Variants in DLGAP2 observed in about 807,000 individuals in gnomAD.
DLGAP2 encodes the protein disks large-associated protein 2.
In DLGAP2, 26 loss-of-function variants were observed where a neutral mutation model predicts 100.3. The observed-to-expected ratio is 0.26, with a 90% CI of 0.19 to 0.36. The LOEUF (loss-of-function observed/expected upper bound fraction) is 0.36, where lower values mean the gene tolerates loss of function less well. Ranked by LOEUF, DLGAP2 falls within the 10% of genes least tolerant of loss-of-function variation. The pLI, the probability that DLGAP2 is intolerant of heterozygous loss-of-function variation, is 1.00. For synonymous variants in DLGAP2, 886 were observed against 630.1 expected (o/e 1.41, Z -6.08); for missense variants, 1,858 against 1,453.2 (o/e 1.28, Z -4.53).
chr8:1,197,439 A>G (rs1476201188), intron 2 of DLGAP2, among the ~76,000 whole-genome samples: 1 of 152,248 alleles, frequency 6.6e-6, no homozygotes, highest in Non-Finnish European at 1.5e-5. Flanking sequence ...TGCTGTAGAA[A>G]AAGGGCTACT....
chr8:1,316,154 C>T (rs1800741726), intron 3 of DLGAP2, among the ~76,000 whole-genome samples: 1 of 123,330 alleles, frequency 8.1e-6, no homozygotes, highest in African/African-American at 2.9e-5. Context: ...GTCTCCCCAA[C>T]AGTGGTCTAC....
rs186692922 is a variant in DLGAP2 at position 1,267,534 on chromosome 8, G to A, written c.106+8651G>A. Among the ~76,000 whole-genome samples the A allele has an allele frequency of 5.2e-3, 754 of 145,654 alleles. 6 individuals carry two copies. The highest frequency in any genetic ancestry group is 0.019 in the African/African-American group (728 of 38,244). ...AGATTGTGCCACTGCACTCCAGCCTGGGAGACAGAGCAAAATTCCCGCTCA... is the reference window on the plus strand; with the variant it reads ...AGATTGTGCCACTGCACTCCAGCCTAGGAGACAGAGCAAAATTCCCGCTCA... On this transcript the variant is annotated intron_variant, in intron 3 of 14. Transcript: ENST00000637795.
At chr8:1,197,031 G>T (rs759260315) in intron 2 of DLGAP2, among the ~76,000 whole-genome samples, 6 of 152,154 alleles carry the variant, frequency 3.9e-5, no homozygotes, top group Non-Finnish European at 7.3e-5. Flanking sequence ...AATGTCTGTG[G>T]TCAGGAGGAG....
intron 1 of DLGAP2, among the ~76,000 whole-genome samples, chr8:883,629 G>A (rs1178989428): frequency 6.6e-6 from 1 of 150,946 alleles, no homozygotes; most frequent in South Asian, 2.1e-4. Context: ...GGTTCGTTAC[G>A]TAGGAGCGCG....
At chr8:1,111,758 A>G (rs188335835) in intron 2 of DLGAP2, among the ~76,000 whole-genome samples, 2 of 152,304 alleles carry the variant, frequency 1.3e-5, no homozygotes, top group East Asian at 1.9e-4. Flanking sequence ...ATGGCTGTAT[A>G]GTATTCCATG....
chr8:1,320,302 G>A (rs531569005), intron 3 of DLGAP2, among the ~76,000 whole-genome samples: 3 of 152,218 alleles, frequency 2.0e-5, no homozygotes, highest in Admixed American at 2.0e-4. Flanking sequence ...CAAGGTGGCA[G>A]CTACCAGGAG....
chr8:1,084,077 A>T (rs907644773), intron 2 of DLGAP2, among the ~76,000 whole-genome samples: 18 of 152,312 alleles, frequency 1.2e-4, no homozygotes, highest in Admixed American at 3.3e-4. Context: ...GTCACATTTT[A>T]TTATTTGTAT....
chr8:1,051,779 C>A (rs1472572324), intron 2 of DLGAP2, among the ~76,000 whole-genome samples: 4 of 152,056 alleles, frequency 2.6e-5, no homozygotes, highest in Admixed American at 6.5e-5. Flanking sequence ...TGTCTCATGC[C>A]TGCTCAGTCA....
intron 3 of DLGAP2, among the ~76,000 whole-genome samples, chr8:1,473,408 G>A (rs533070538): frequency 1.3e-5 from 2 of 152,200 alleles, no homozygotes; most frequent in African/African-American, 2.4e-5. Context: ...TCCACTGCGG[G>A]GCTGGAGGCG....
At position 1,117,291 on chromosome 8, in the gene DLGAP2, G is replaced by A. The variant is rs140425535; in HGVS notation, c.74-141560G>A. Among the ~76,000 whole-genome samples the A allele has an allele frequency of 5.4e-3, 817 of 152,334 alleles. 6 individuals are homozygous for A. Among genetic ancestry groups the A allele is most frequent in the Middle Eastern group, 0.014 (4 of 294 alleles). On this transcript the variant is annotated intron_variant, in intron 2 of 14. Coordinates refer to ENST00000637795, the MANE Select transcript of DLGAP2 (RefSeq NM_001346810.2). ...TGGCACAACCCTGGGCAGGTGTGCA[G>A]ACAGATCCCACCACTCAGAGGTGCC...
intron 1 of DLGAP2, among the ~76,000 whole-genome samples, chr8:779,957 T>A (rs4735920): frequency 0.6 from 91,901 of 152,102 alleles, 29,637 homozygotes; most frequent in Admixed American, 0.75. Context: ...AGAGTCAAGC[T>A]AGCTAACTGA....
chr8:1,240,371 G>A (rs77159205), intron 2 of DLGAP2, among the ~76,000 whole-genome samples: 12,882 of 146,218 alleles, frequency 0.088, 1,362 homozygotes, highest in African/African-American at 0.25. Context: ...CTCACACAGA[G>A]CATCGTGTCT....
intron 2 of DLGAP2, among the ~76,000 whole-genome samples, chr8:1,167,449 A>C (rs906718790): frequency 6.6e-6 from 1 of 152,124 alleles, no homozygotes; most frequent in Non-Finnish European, 1.5e-5. Flanking sequence ...AGGGAAGCAG[A>C]GTTTCAGGGT....
intron 4 of DLGAP2, among the ~76,000 whole-genome samples, chr8:1,541,495 T>C (rs1030941965): frequency 6.6e-6 from 1 of 152,228 alleles, no homozygotes; most frequent in Non-Finnish European, 1.5e-5. Flanking sequence ...ATTTGTCCTT[T>C]ACACACTTCC....
At chr8:1,447,050 T>TGCA (rs1283092130) in intron 3 of DLGAP2, among the ~76,000 whole-genome samples, 1 of 152,240 alleles carries the variant, frequency 6.6e-6, no homozygotes. Context: ...AGGGACAATT[T>TGCA]GACTTCCTCT....
At chr8:826,159 T>C (rs1206470332) in intron 1 of DLGAP2, among the ~76,000 whole-genome samples, 1 of 152,234 alleles carries the variant, frequency 6.6e-6, no homozygotes, top group Non-Finnish European at 1.5e-5. Context: ...CAGGATCTCA[T>C]TCTTTTTTAT....
At chr8:1,449,813 G>A (rs927430018) in intron 3 of DLGAP2, among the ~76,000 whole-genome samples, 18 of 148,672 alleles carry the variant, frequency 1.2e-4, no homozygotes, top group Non-Finnish European at 2.0e-4. Context: ...GTGAAGACGA[G>A]GTGGGCGGCC....
chr8:1,538,165 C>A (rs920052261), intron 4 of DLGAP2, among the ~76,000 whole-genome samples: 2 of 152,148 alleles, frequency 1.3e-5, no homozygotes, highest in African/African-American at 4.8e-5. Flanking sequence ...GCATTCCCTG[C>A]CTTTTCTTCC....
intron 3 of DLGAP2, among the ~76,000 whole-genome samples, chr8:1,494,517 T>A (rs944074986): frequency 6.6e-6 from 1 of 152,078 alleles, no homozygotes; most frequent in African/African-American, 2.4e-5. Context: ...GATCACGAGG[T>A]CAGGAGTTTG....
Sources: allele counts gnomAD v4.1 joint callset (sites outside exome capture counted in the v4.1 genomes callset), GRCh38; gene constraint gnomAD v4.1.1; transcripts MANE v1.5; gene names NCBI Gene and HGNC (gene_info 2026-07-23, HGNC 2026-07-21).